CNTLN: variants seen among roughly 807,000 people sequenced by gnomAD.
CNTLN encodes the protein centlein, also known as centlein, centrosomal protein.
Under a neutral mutation model 180.0 loss-of-function variants are expected in CNTLN, and 212 were observed. The ratio of observed to expected loss-of-function variants is 1.18; its 90% confidence interval spans 1.05 to 1.32. The LOEUF (loss-of-function observed/expected upper bound fraction) is 1.32. Ranked by LOEUF, CNTLN falls within the 40% of genes most tolerant of loss-of-function variation. The pLI is 0.00. For missense variants in CNTLN, 2,095 were observed against 1,610.9 expected, an observed-to-expected ratio of 1.30 and a Z score of -5.14; for synonymous variants, 722 against 563.1, an observed-to-expected ratio of 1.28 and a Z score of -3.99.
chr9:17,439,731 C>A (rs971427497), intron 18 of CNTLN, among the ~76,000 whole-genome samples: 1 of 152,162 alleles, frequency 6.6e-6, no homozygotes, highest in East Asian at 1.9e-4. Context: ...AAAAGTGGAG[C>A]CTTTGAGAAT....
At chr9:17,307,972 CCACACACACACACACACACA>C (rs3837233) in intron 7 of CNTLN, among the ~76,000 whole-genome samples, 2 of 137,816 alleles carry the variant, frequency 1.5e-5, no homozygotes, top group East Asian at 2.1e-4. Flanking sequence ...GCCTTTAAAA[CCACACACACACACACACACA>C]CACACACACA....
chr9:17,230,293 A>G (rs1220267261), intron 3 of CNTLN, among the ~76,000 whole-genome samples: 1 of 152,172 alleles, frequency 6.6e-6, no homozygotes. Context: ...ACAGTTAGCT[A>G]CCTACAGAGG....
intron 15 of CNTLN, among the ~76,000 whole-genome samples, chr9:17,407,139 G>A (rs1279785634): frequency 2.0e-5 from 3 of 152,216 alleles, no homozygotes; most frequent in African/African-American, 7.2e-5. Flanking sequence ...ATCAATTGCT[G>A]TTGGTATTTT....
At chr9:17,298,564 T>G in intron 7 of CNTLN, 1 of 1,214,752 alleles carries the variant, frequency 8.2e-7, no homozygotes, top group East Asian at 3.6e-5. Flanking sequence ...TCACTTAAAA[T>G]ATAGATACAA....
the CNTLN span, among the ~76,000 whole-genome samples, chr9:17,511,788 G>A: frequency 1.3e-5 from 2 of 152,106 alleles, no homozygotes; most frequent in African/African-American, 4.8e-5. Flanking sequence ...CAGGTGTTTA[G>A]GTTTGGTGCT....
chr9:17,463,037 A>T (rs773385344), intron 20 of CNTLN, 24 bp downstream of exon 20: 40 of 1,464,496 alleles, frequency 2.7e-5, no homozygotes, highest in Non-Finnish European at 3.4e-5. Context: ...ATTTCTATCC[A>T]TTGTATTTGG....
chr9:17,200,762 A>C (rs1822466034), intron 2 of CNTLN, among the ~76,000 whole-genome samples: 1 of 152,154 alleles, frequency 6.6e-6, no homozygotes, highest in African/African-American at 2.4e-5. Flanking sequence ...TTCTAAATAT[A>C]CAATCATATC....
At chr9:17,153,370 G>T (rs1205322082) in intron 2 of CNTLN, among the ~76,000 whole-genome samples, 1 of 152,080 alleles carries the variant, frequency 6.6e-6, no homozygotes, top group Non-Finnish European at 1.5e-5. Flanking sequence ...AAATCCCTCA[G>T]CATTTGCTTG....
At chr9:17,363,023 A>T (rs977166763) in intron 12 of CNTLN, among the ~76,000 whole-genome samples, 1 of 152,136 alleles carries the variant, frequency 6.6e-6, no homozygotes, top group Non-Finnish European at 1.5e-5. Context: ...GCTGAGAATG[A>T]TGGTTTCCAG....
At chr9:17,471,651 G>T (rs1297935084) in intron 23 of CNTLN, among the ~76,000 whole-genome samples, 1 of 152,036 alleles carries the variant, frequency 6.6e-6, no homozygotes, top group Non-Finnish European at 1.5e-5. Context: ...CCACTGATAT[G>T]TGTAGAGTGA....
chr9:17,205,849 AT>A (rs1224672389), intron 2 of CNTLN, among the ~76,000 whole-genome samples: 2 of 152,210 alleles, frequency 1.3e-5, no homozygotes, highest in African/African-American at 4.8e-5. Context: ...TTGACGGACT[AT>A]TTAATCAGCA....
At chr9:17,291,563 C>T (rs1301467032) in intron 6 of CNTLN, among the ~76,000 whole-genome samples, 2 of 151,994 alleles carry the variant, frequency 1.3e-5, no homozygotes, top group Non-Finnish European at 2.9e-5. Context: ...TATGTAATGC[C>T]CCTCTTTGTC....
chr9:17,292,525 C>G (rs1829483535), intron 6 of CNTLN, among the ~76,000 whole-genome samples: 1 of 152,034 alleles, frequency 6.6e-6, no homozygotes, highest in Non-Finnish European at 1.5e-5. Context: ...CTCGTCTTGT[C>G]TGCCTTGTCT....
At chr9:17,384,222 G>A (rs989824525) in intron 13 of CNTLN, among the ~76,000 whole-genome samples, 1 of 150,840 alleles carries the variant, frequency 6.6e-6, no homozygotes, top group Non-Finnish European at 1.5e-5. Flanking sequence ...CAAGTCCCCA[G>A]CTTAAAGACA....
chr9:17,389,379 G>A (rs1337716006), intron 14 of CNTLN, among the ~76,000 whole-genome samples: 2 of 151,912 alleles, frequency 1.3e-5, no homozygotes, highest in Non-Finnish European at 2.9e-5. Context: ...TATTTGCCAG[G>A]TTTTGTATAA....
At chr9:17,528,583 C>T in the CNTLN span, among the ~76,000 whole-genome samples, 1 of 152,092 alleles carries the variant, frequency 6.6e-6, no homozygotes, top group Non-Finnish European at 1.5e-5. Flanking sequence ...GAAGGATATT[C>T]GGTAAAAATA....
chr9:17,454,541 A>G (rs1047642552), intron 18 of CNTLN, among the ~76,000 whole-genome samples: 5 of 152,214 alleles, frequency 3.3e-5, no homozygotes, highest in Non-Finnish European at 5.9e-5. Flanking sequence ...TTACCAGGTT[A>G]TTATGTATAT....
intron 9 of CNTLN, 67 bp downstream of exon 9, chr9:17,330,875 A>G (rs573955037): frequency 7.2e-7 from 1 of 1,386,454 alleles, no homozygotes; most frequent in East Asian, 2.4e-5. Flanking sequence ...ATGAAGTTAA[A>G]AAACAAATGG....
At chr9:17,295,956 C>A (rs1817873631) in intron 6 of CNTLN, among the ~76,000 whole-genome samples, 4 of 149,372 alleles carry the variant, frequency 2.7e-5, no homozygotes, top group Admixed American at 2.7e-4. Flanking sequence ...ATGAGCATCT[C>A]CCTACTCTTC....
Sources: allele counts gnomAD v4.1 joint callset (sites outside exome capture counted in the v4.1 genomes callset), GRCh38; gene constraint gnomAD v4.1.1; transcripts MANE v1.5; gene names NCBI Gene and HGNC (gene_info 2026-07-23, HGNC 2026-07-21).